Variants in DNMT1 observed in about 807,000 individuals in gnomAD.
DNMT1 encodes the protein DNA methyltransferase 1, also known as DNA (cytosine-5)-methyltransferase 1.
Under a neutral mutation model 205.3 loss-of-function variants are expected in DNMT1, and 24 were observed. That is an observed-to-expected ratio of 0.12 (90% CI 0.08 to 0.16). The LOEUF (loss-of-function observed/expected upper bound fraction) is 0.16, where lower values mean the gene tolerates loss of function less well. Among genes scored for constraint, DNMT1 ranks in the 10% least tolerant of loss-of-function variants. The pLI is 1.00. For synonymous variants in DNMT1, 817 were observed against 839.8 expected (o/e 0.97, Z 0.47); for missense variants, 1,293 against 2,177.7 (o/e 0.59, Z 8.09).
chr19:10,193,011 C>T (rs531612204), intron 1 of DNMT1, among the ~76,000 whole-genome samples: 12 of 152,242 alleles, frequency 7.9e-5, no homozygotes, highest in South Asian at 6.2e-4. Context: ...CACGCCACCG[C>T]ATTCCAGCCT....
chr19:10,180,816 C>T lies in DNMT1; in HGVS notation c.187G>A (p.Asp63Asn). ...LQTEIKNQLCDLETKLRKEEL... is the reference protein window; with the variant it reads ...LQTEIKNQLCNLETKLRKEEL... ...TCTTTACGTAATTTGGTTTCCAAGT[C>T]ACATAACTGATTCTTTATTTCTGTT... Residue 63 changes from aspartate (D) to asparagine (N), a missense_variant, in exon 3 of 41, where the codon GAC becomes AAC. Coordinates refer to ENST00000359526, the MANE Select transcript of DNMT1 (RefSeq NM_001130823.3). 6.2e-7 allele frequency: 1 copy of T among 1,614,136 alleles called. No individual in the cohort carries two copies. Among genetic ancestry groups the T allele is most frequent in the Non-Finnish European group, 8.5e-7 (1 of 1,180,024 alleles).
At position 10,133,740 on chromosome 19, in the gene DNMT1, C is replaced by A; in HGVS notation, c.4865-39G>T. On this transcript the variant is annotated intron_variant, in intron 40 of 40. Transcript: ENST00000359526. This position sits in a 1 kb window ranked among gnomAD's most constrained non-coding sequence, Gnocchi z 4.1. ...AAAGGAAAAGTCACTCTGGGGAACACGCCCGGTGTCACGCCACTTGACAGG... is the reference window on the plus strand; with the variant it reads ...AAAGGAAAAGTCACTCTGGGGAACAAGCCCGGTGTCACGCCACTTGACAGG... 6.4e-7 allele frequency: 1 copy of A among 1,566,154 alleles called. No individual in the cohort carries two copies. The highest frequency in any genetic ancestry group is 1.9e-5 in the Admixed American group (1 of 53,486).
In DNMT1 at chr19:10,156,513, G is replaced by C. The variant is rs1335766704; in HGVS notation, c.1281-4C>G. 5.6e-6 allele frequency: 9 copies of C among 1,609,486 alleles called. No homozygotes were observed. Among genetic ancestry groups the C allele is most frequent in the Non-Finnish European group, 7.7e-6 (9 of 1,176,114 alleles). On this transcript the variant is annotated splice_region_variant and splice_polypyrimidine_tract_variant and intron_variant, in intron 17 of 40. Transcript: ENST00000359526. The surrounding 1 kb of genome is among the most constrained non-coding windows in gnomAD (Gnocchi z 4.2). ...GTGACCGTGCTTACAGTACACACTA[G>C]ACAGGAAACAAAGCACATGCTTACC...
intron 11 of DNMT1, among the ~76,000 whole-genome samples, chr19:10,165,865 AC>A (rs2038680275): frequency 6.6e-6 from 1 of 152,124 alleles, no homozygotes; most frequent in African/African-American, 2.4e-5. Flanking sequence ...TGGAGGCAAT[AC>A]CAAAGGCTCC....
chr19:10,136,728 G>T (rs1177435220), intron 37 of DNMT1, among the ~76,000 whole-genome samples: 1 of 150,970 alleles, frequency 6.6e-6, no homozygotes, highest in Middle Eastern at 3.2e-3. Flanking sequence ...GAGCCATCGT[G>T]CCTGACCTGC....
Position 10,156,244 on chromosome 19 carries a change from G to T in DNMT1, c.1399+147C>A. 1.5e-6 allele frequency: 1 copy of T among 672,698 alleles called. No individual in the cohort carries two copies. Among genetic ancestry groups the T allele is most frequent in the Admixed American group, 2.1e-5 (1 of 47,712 alleles). 41.7% of individuals were successfully genotyped at this position (672,698 alleles called of 1,614,324 possible). ...TTTTTTTTAATAGAGGCAGGCTCTT[G>T]CTATGTTGTCCAGGCTCGTCTCAAA... On this transcript the variant is annotated intron_variant, in intron 18 of 40. Coordinates refer to ENST00000359526, the MANE Select transcript of DNMT1 (RefSeq NM_001130823.3). This position sits in a 1 kb window ranked among gnomAD's most constrained non-coding sequence, Gnocchi z 4.2.
At position 10,180,769 on chromosome 19, in the gene DNMT1, C is replaced by T. The variant is rs370656333; in HGVS notation, c.225+9G>A. The T allele has an allele frequency of 2.2e-5, 35 of 1,613,268 alleles. No individual in the cohort carries two copies. Among genetic ancestry groups the T allele is most frequent in the Non-Finnish European group, 2.1e-5 (25 of 1,179,436 alleles). ...TTTCTAGAGGCTAGGATGCTGAGAACTGACTTACCTCGGATAATTCTTCTT... is the reference window on the plus strand; with the variant it reads ...TTTCTAGAGGCTAGGATGCTGAGAATTGACTTACCTCGGATAATTCTTCTT... On this transcript the variant is annotated intron_variant, in intron 3 of 40. Transcript: ENST00000359526.
rs530113466 is a variant in DNMT1, at chr19:10,138,603, G to A, written c.3951C>T (p.Ala1317=). 4.9e-5 allele frequency: 78 copies of A among 1,602,588 alleles called. No homozygotes were observed. Among genetic ancestry groups the A allele is most frequent in the South Asian group, 1.3e-4 (12 of 91,006 alleles). The change falls in exon 35 of 41, where the codon GCC becomes GCT. Residue 1317 remains alanine (A), a splice_region_variant and synonymous_variant. Transcript: ENST00000359526. This position sits in a 1 kb window ranked among gnomAD's most constrained non-coding sequence, Gnocchi z 4.1. ...TAGTCTGGGCCACGCCGTACTGACC[G>A]GCCTGTGGGGGAGAAGGACGGACAA... ...GYQCTFGVLQ[A]GQYGVAQTRR...
At chr19:10,171,125 A>G (rs964970040) in intron 9 of DNMT1, among the ~76,000 whole-genome samples, 4 of 152,098 alleles carry the variant, frequency 2.6e-5, no homozygotes, top group African/African-American at 9.7e-5. Context: ...ATCTTATTAA[A>G]AAACAAAACA....
intron 1 of DNMT1, among the ~76,000 whole-genome samples, chr19:10,182,779 C>T (rs1219774322): frequency 6.6e-6 from 1 of 151,224 alleles, no homozygotes; most frequent in African/African-American, 2.4e-5. Flanking sequence ...AAGTGATTCT[C>T]TCACCTCAGC....
chr19:10,143,684 G>T, intron 29 of DNMT1, 82 bp downstream of exon 29: 1 of 1,486,540 alleles, frequency 6.7e-7, no homozygotes, highest in Non-Finnish European at 9.4e-7. Flanking sequence ...AACAACTGTG[G>T]GTGCTATGCC....
At chr19:10,161,045 G>A (rs964775111) in intron 13 of DNMT1, among the ~76,000 whole-genome samples, 6 of 151,698 alleles carry the variant, frequency 4.0e-5, no homozygotes, top group African/African-American at 1.2e-4. Context: ...GATGGCTCAC[G>A]CCTGTAATCC....
In DNMT1 at chr19:10,151,447, T is replaced by C; in HGVS notation, c.2216A>G (p.Lys739Arg). 1 of 1,614,144 alleles carries C rather than the reference T, an allele frequency of 6.2e-7. No homozygotes were observed. The highest frequency in any genetic ancestry group is 8.5e-7 in the Non-Finnish European group (1 of 1,180,032). ...GATGCGATTCTTGTTCTGTTTCTTC[T>C]TCTTCCCCTGGTGCATTTTTTTGGG... ...PSPKKMHQGK[K>R]KKQNKNRISW... Residue 739 changes from lysine (K) to arginine (R), a missense_variant, in exon 24 of 41, where the codon AAG (lysine) becomes AGG (arginine). This residue lies in a region of DNMT1 where 197 missense variants were observed against 353.6 expected (regional missense o/e 0.56). Coordinates refer to ENST00000359526, the MANE Select transcript of DNMT1 (RefSeq NM_001130823.3). This position sits in a 1 kb window ranked among gnomAD's most constrained non-coding sequence, Gnocchi z 5.0.
intron 29 of DNMT1, chr19:10,142,998 A>C (rs1436566967): frequency 2.0e-5 from 3 of 153,486 alleles, no homozygotes; most frequent in Non-Finnish European, 2.9e-5. Flanking sequence ...GAGGTGAGGC[A>C]AGTGTATAGC....
At chr19:10,142,428 C>A (rs189079241) in intron 29 of DNMT1, among the ~76,000 whole-genome samples, 51 of 150,206 alleles carry the variant, frequency 3.4e-4, no homozygotes, top group Non-Finnish European at 4.6e-4. Context: ...TAGACTCCCC[C>A]CCATTTAGGG....
chr19:10,156,470 G>T lies in DNMT1; in HGVS notation c.1320C>A (p.Thr440=). Residue 440 remains threonine, a synonymous_variant, in exon 18 of 41, where the codon ACC becomes ACA. Coordinates refer to ENST00000359526, the MANE Select transcript of DNMT1 (RefSeq NM_001130823.3). This position sits in a 1 kb window ranked among gnomAD's most constrained non-coding sequence, Gnocchi z 4.2. The part of the protein sequence containing the change: ...CKHGHLCPID[T]GLIEKNIELF... ...GTTCGATATTCTTCTCGATGAGGCC[G>T]GTGTCGATGGGACACAGGTGACCGT... The T allele has an allele frequency of 6.2e-7, 1 of 1,613,216 alleles. No homozygotes were observed. The highest frequency in any genetic ancestry group is 8.5e-7 in the Non-Finnish European group (1 of 1,179,454).
In DNMT1 at chr19:10,146,517, C is replaced by A. The variant is rs150863675; in HGVS notation, c.2728G>T (p.Val910Leu). 2.2e-4 allele frequency: 357 copies of A among 1,613,956 alleles called. 1 individual carries two copies. Among genetic ancestry groups the A allele is most frequent in the Non-Finnish European group, 2.9e-4 (345 of 1,180,046 alleles). ...PTEDNKFKFC[V>L]SCARLAEMRQ... ...ATCTCAGCCAGACGGGCACAGCTCACACAGAATCTGAAGGAAACAAAGGGA... is the reference window on the plus strand; with the variant it reads ...ATCTCAGCCAGACGGGCACAGCTCAAACAGAATCTGAAGGAAACAAAGGGA... The change falls in exon 28 of 41, where the codon GTG (valine) becomes TTG (leucine). Residue 910 changes from valine (V) to leucine (L), a missense_variant. Coordinates refer to ENST00000359526, the MANE Select transcript of DNMT1 (RefSeq NM_001130823.3). This position sits in a 1 kb window ranked among gnomAD's most constrained non-coding sequence, Gnocchi z 4.4.
chr19:10,137,326 T>C lies in DNMT1; in HGVS notation c.4294-46A>G. ...CAGCTGTCACCTCATGTGAGCAGCA[T>C]CCGAGCATCCATGGTGGGCTGGGAG... On this transcript the variant is annotated intron_variant, in intron 36 of 40. Coordinates refer to ENST00000359526, the MANE Select transcript of DNMT1 (RefSeq NM_001130823.3). The surrounding 1 kb of genome is among the most constrained non-coding windows in gnomAD (Gnocchi z 6.4). The C allele has an allele frequency of 5.1e-6, 8 of 1,563,056 alleles. No individual in the cohort carries two copies. The highest frequency in any genetic ancestry group is 6.1e-6 in the Non-Finnish European group (7 of 1,155,680).
intron 39 of DNMT1, 40 bp from the exon 40 acceptor site, chr19:10,134,347 C>G: frequency 1.3e-6 from 2 of 1,599,622 alleles, no homozygotes; most frequent in Non-Finnish European, 1.7e-6. Flanking sequence ...TGTGGACACC[C>G]AGGCCCAAGG....
Sources: allele counts gnomAD v4.1 joint callset (sites outside exome capture counted in the v4.1 genomes callset), GRCh38; gene constraint gnomAD v4.1.1; regional missense constraint gnomAD v4.1.1; non-coding constraint Gnocchi (gnomAD v3.1); transcripts MANE v1.5; gene names NCBI Gene and HGNC (gene_info 2026-07-23, HGNC 2026-07-21).